The following OR3A2 variants were observed in gnomAD, a reference collection of about 807,000 sequenced individuals.
OR3A2 encodes olfactory receptor 3A2.
For synonymous variants in OR3A2, 126 were observed against 159.3 expected (o/e 0.79, Z 1.57); for missense variants, 318 against 392.8 (o/e 0.81, Z 1.61).
intron 2 of OR3A2, among the ~76,000 whole-genome samples, chr17:3,349,472 G>C (rs1172666403): frequency 6.6e-6 from 1 of 152,046 alleles, no homozygotes; most frequent in South Asian, 2.1e-4. Flanking sequence ...AATTCAACAA[G>C]AAGAGCTAAC....
At chr17:3,371,646 GGCAGAGGCGCCCC>G (rs2049623261) in intron 2 of OR3A2, among the ~76,000 whole-genome samples, 1 of 138,408 alleles carries the variant, frequency 7.2e-6, no homozygotes, top group African/African-American at 2.7e-5. Context: ...GGGGAGGCCG[GGCAGAGGCGCCCC>G]TCACCTCCCG....
upstream of OR3A2, among the ~76,000 whole-genome samples, chr17:3,286,499 C>A (rs940098318): frequency 1.3e-5 from 2 of 152,192 alleles, no homozygotes; most frequent in African/African-American, 4.8e-5. Flanking sequence ...ACACTGTCTT[C>A]CACAATAGTT....
intron 3 of OR3A2, among the ~76,000 whole-genome samples, chr17:3,330,589 T>A (rs1440821005): frequency 1.3e-5 from 2 of 152,124 alleles, no homozygotes; most frequent in African/African-American, 4.8e-5. Flanking sequence ...ATCCTTTTAT[T>A]TTGAGCCTAT....
chr17:3,379,667 C>A (rs1044989466), intron 2 of OR3A2, among the ~76,000 whole-genome samples: 2 of 152,126 alleles, frequency 1.3e-5, no homozygotes, highest in East Asian at 1.9e-4. Flanking sequence ...AGCTCTTCCC[C>A]GAGCAGAGGA....
At chr17:3,340,479 A>G (rs1248456350) in intron 2 of OR3A2, among the ~76,000 whole-genome samples, 2 of 152,082 alleles carry the variant, frequency 1.3e-5, no homozygotes, top group Admixed American at 1.3e-4. Flanking sequence ...CTTTGTTCTC[A>G]TTGGTTTCAA....
chr17:3,282,567 C>T (rs1346956704), intron 1 of OR3A2, among the ~76,000 whole-genome samples: 1 of 152,114 alleles, frequency 6.6e-6, no homozygotes, highest in South Asian at 2.1e-4. Context: ...GCTCAGGCCA[C>T]GGGGAAGCTG....
intron 2 of OR3A2, among the ~76,000 whole-genome samples, chr17:3,368,090 T>C (rs901388029): frequency 1.3e-5 from 2 of 152,336 alleles, no homozygotes; most frequent in East Asian, 3.9e-4. Context: ...GAATTGTTTT[T>C]TTCTTGCTGA....
intron 2 of OR3A2, among the ~76,000 whole-genome samples, chr17:3,371,227 C>T (rs1159280838): frequency 3.3e-5 from 5 of 151,388 alleles, no homozygotes; most frequent in African/African-American, 1.2e-4. Flanking sequence ...CCGGGTGGGG[C>T]GGCTGGCCAG....
At chr17:3,290,106 C>CT (rs1284646540) in intron 3 of OR3A2, among the ~76,000 whole-genome samples, 1 of 152,054 alleles carries the variant, frequency 6.6e-6, no homozygotes, top group Non-Finnish European at 1.5e-5. Context: ...CCTTGGTGTA[C>CT]TTTTTTTGTA....
chr17:3,316,468 T>G (rs2049083390), intron 3 of OR3A2, among the ~76,000 whole-genome samples: 1 of 152,232 alleles, frequency 6.6e-6, no homozygotes, highest in African/African-American at 2.4e-5. Context: ...CTACCATCTG[T>G]GTCCAGCCCA....
At chr17:3,310,128 T>C in intron 3 of OR3A2, 3 of 345,534 alleles carry the variant, frequency 8.7e-6, no homozygotes, top group Admixed American at 3.8e-5. Flanking sequence ...TATCAAGTCT[T>C]TTCATACTAC....
intron 3 of OR3A2, chr17:3,292,202 C>T: frequency 1.2e-6 from 2 of 1,614,120 alleles, no homozygotes; most frequent in African/African-American, 1.3e-5. Context: ...GGCAGATGGC[C>T]AGGAATCGGT....
Position 3,370,710 on chromosome 17 carries a change from G to A in OR3A2, c.-179+13094C>T, listed in dbSNP as rs1482816414. On this transcript the variant is annotated intron_variant, in intron 2 of 4. Transcript: ENST00000573491. ...GCAGGGTCATAGGACAATAGTGGAGGGAAGGTCAGCAGATAAACAAGTGAA... is the reference window on the plus strand; with the variant it reads ...GCAGGGTCATAGGACAATAGTGGAGAGAAGGTCAGCAGATAAACAAGTGAA... Among the ~76,000 whole-genome samples the A allele has an allele frequency of 2.0e-5, 3 of 151,476 alleles. No homozygotes were observed. In the East Asian group the frequency reaches 5.8e-4, roughly 29 times the overall value.
At chr17:3,346,368 T>A (rs1294620843) in intron 2 of OR3A2, among the ~76,000 whole-genome samples, 1 of 152,130 alleles carries the variant, frequency 6.6e-6, no homozygotes, top group Non-Finnish European at 1.5e-5. Context: ...CTGACCCAAG[T>A]TGATCCAACC....
intron 2 of OR3A2, among the ~76,000 whole-genome samples, chr17:3,368,895 G>A (rs6502722): frequency 0.24 from 36,175 of 152,030 alleles, 5,036 homozygotes; most frequent in East Asian, 0.53. Context: ...GTTTCTTTGT[G>A]TCCTCTATAT....
At chr17:3,350,452 C>T (rs1488723990) in intron 2 of OR3A2, among the ~76,000 whole-genome samples, 6 of 151,424 alleles carry the variant, frequency 4.0e-5, no homozygotes, top group African/African-American at 9.7e-5. Context: ...ATAAATTCCT[C>T]GACACATACA....
chr17:3,368,253 T>C (rs568046125), intron 2 of OR3A2, among the ~76,000 whole-genome samples: 1 of 152,330 alleles, frequency 6.6e-6, no homozygotes, highest in African/African-American at 2.4e-5. Context: ...ATACCATCTA[T>C]TTATCTTTGT....
At chr17:3,362,395 G>C (rs1195078060) in intron 2 of OR3A2, among the ~76,000 whole-genome samples, 2 of 151,506 alleles carry the variant, frequency 1.3e-5, no homozygotes, top group Non-Finnish European at 2.9e-5. Flanking sequence ...TGTTTTGAAG[G>C]GTTTTTTGTG....
At chr17:3,325,203 ATTTTTT>A (rs61124691) in intron 3 of OR3A2, among the ~76,000 whole-genome samples, 3 of 108,616 alleles carry the variant, frequency 2.8e-5, no homozygotes, top group African/African-American at 3.6e-5. Flanking sequence ...GATCCTTCCA[ATTTTTT>A]TTTTTTTTTT....
Sources: gnomAD v4.1 joint callset for allele counts (sites outside exome capture counted in the v4.1 genomes callset) on GRCh38, gnomAD v4.1.1 for gene constraint, MANE v1.5 for transcripts, NCBI Gene and HGNC (gene_info 2026-07-23, HGNC 2026-07-21) for gene names.